The following NEK3 variants were observed in gnomAD, a reference collection of about 807,000 sequenced individuals.
NEK3 encodes the protein NIMA related kinase 3, also known as serine/threonine-protein kinase Nek3.
NEK3 carries 54 observed loss-of-function variants against 66.0 expected under a neutral mutation model. That is an observed-to-expected ratio of 0.82 (90% CI 0.66 to 1.03). NEK3 has a LOEUF of 1.03. Ranked by LOEUF, NEK3 falls within the 50% of genes least tolerant of loss-of-function variation. The probability of loss-of-function intolerance (pLI) is 0.00; values close to 1 mark genes in which losing one functional copy is unlikely to be tolerated. For synonymous variants in NEK3, 200 were observed against 206.2 expected (o/e 0.97, Z 0.26); for missense variants, 593 against 603.0 (o/e 0.98, Z 0.17).
At chr13:52,148,513 T>A in intron 7 of NEK3, 44 bp from the exon 8 acceptor site, 1 of 1,541,086 alleles carries the variant, frequency 6.5e-7, no homozygotes, top group Non-Finnish European at 9.0e-7. Context: ...AGGTTACGTA[T>A]TTTCTAGTAC....
intron 2 of NEK3, among the ~76,000 whole-genome samples, chr13:52,155,453 C>G (rs1038726943): frequency 2.0e-5 from 3 of 152,064 alleles, no homozygotes; most frequent in African/African-American, 7.2e-5. Context: ...GTTGCTCTGG[C>G]AAAGATTTCC....
At chr13:52,157,160 A>T (rs1956402541) in intron 1 of NEK3, 1 of 152,234 alleles carries the variant, frequency 6.6e-6, no homozygotes, top group Non-Finnish European at 1.5e-5. Context: ...CCAAGAAGGC[A>T]ATATAATCAT....
At chr13:52,155,049 T>C (rs1355155903) in intron 2 of NEK3, among the ~76,000 whole-genome samples, 5 of 151,898 alleles carry the variant, frequency 3.3e-5, no homozygotes, top group African/African-American at 1.2e-4. Context: ...ACTGGGAACT[T>C]GTTAAAAATG....
chr13:52,137,037 C>T (rs551120329), intron 11 of NEK3, 135 bp from the exon 12 acceptor site: 5 of 546,126 alleles, frequency 9.2e-6, no homozygotes, highest in Non-Finnish European at 1.6e-5. Flanking sequence ...CATAGAACCC[C>T]AAGGACATGT....
intron 2 of NEK3, 109 bp downstream of exon 2, chr13:52,155,966 C>T: frequency 1.6e-6 from 1 of 616,626 alleles, no homozygotes. Context: ...CCTCCACCTC[C>T]CAAAGTGCTG....
intron 9 of NEK3, among the ~76,000 whole-genome samples, 179 bp from the exon 10 acceptor site, chr13:52,144,166 C>T (rs969909709): frequency 6.6e-6 from 1 of 152,190 alleles, no homozygotes; most frequent in Non-Finnish European, 1.5e-5. Flanking sequence ...GTAATCCCAG[C>T]ACTTTGGGAA....
intron 5 of NEK3, among the ~76,000 whole-genome samples, chr13:52,151,635 C>T (rs1338193014): frequency 6.6e-6 from 1 of 152,174 alleles, no homozygotes; most frequent in Admixed American, 6.5e-5. Context: ...CAGACGCAAT[C>T]GACCCAGTGA....
chr13:52,146,435 T>C (rs1956296359), intron 8 of NEK3, among the ~76,000 whole-genome samples: 1 of 152,174 alleles, frequency 6.6e-6, no homozygotes, highest in Admixed American at 6.5e-5. Flanking sequence ...TGAGAACAAC[T>C]TTTGTCTTCG....
chr13:52,134,142 T>C (rs1371923644), intron 14 of NEK3, among the ~76,000 whole-genome samples: 1 of 152,194 alleles, frequency 6.6e-6, no homozygotes, highest in Non-Finnish European at 1.5e-5. Context: ...GAGCTCCTCC[T>C]ACCTCAGTCT....
rs1245408960 is a variant in NEK3 at position 52,136,173 on chromosome 13, T to G, written c.1117A>C (p.Thr373Pro). The G allele has an allele frequency of 1.4e-5, 22 of 1,613,614 alleles. No individual in the cohort carries two copies. Among genetic ancestry groups the G allele is most frequent in the Non-Finnish European group, 1.9e-5 (22 of 1,179,682 alleles). ...WEKNVPNTAL[T>P]ALENASILTS... ...AGTATGGATGCATTTTCCAAAGCTGTAAGAGCTGTATTGGGTACATTTTTC... is the reference window on the plus strand; with the variant it reads ...AGTATGGATGCATTTTCCAAAGCTGGAAGAGCTGTATTGGGTACATTTTTC... Residue 373 changes from threonine (T) to proline (P), a missense_variant, in exon 13 of 16, where the codon ACA (threonine) becomes CCA (proline). Coordinates refer to ENST00000610828, the MANE Select transcript of NEK3 (RefSeq NM_002498.3).
At chr13:52,150,528 T>A (rs937108387) in intron 7 of NEK3, among the ~76,000 whole-genome samples, 1 of 152,186 alleles carries the variant, frequency 6.6e-6, no homozygotes, top group Non-Finnish European at 1.5e-5. Context: ...GATTTCCATG[T>A]CCTTTCTTAC....
chr13:52,159,851 C>G (rs1487372359), upstream of NEK3: 2 of 152,246 alleles, frequency 1.3e-5, no homozygotes, highest in Non-Finnish European at 2.9e-5. Flanking sequence ...CTAGAACTTA[C>G]TAGCTATGTG....
intron 1 of NEK3, chr13:52,157,222 T>G (rs1956402911): frequency 6.6e-6 from 1 of 151,976 alleles, no homozygotes; most frequent in African/African-American, 2.4e-5. Context: ...AATGGACCAG[T>G]GGAGGAGGGG....
intron 4 of NEK3, 100 bp downstream of exon 4, chr13:52,153,795 G>T: frequency 1.3e-6 from 1 of 771,086 alleles, no homozygotes; most frequent in Non-Finnish European, 2.2e-6. Flanking sequence ...TACCTTCTCG[G>T]GTAATTACAG....
At chr13:52,158,367 T>C (rs1232422763) in intron 1 of NEK3, among the ~76,000 whole-genome samples, 1 of 152,206 alleles carries the variant, frequency 6.6e-6, no homozygotes, top group Non-Finnish European at 1.5e-5. Flanking sequence ...GTCATACACA[T>C]TGTCTTCGAA....
At chr13:52,143,517 T>C (rs1203255529) in intron 10 of NEK3, among the ~76,000 whole-genome samples, 1 of 152,168 alleles carries the variant, frequency 6.6e-6, no homozygotes. Flanking sequence ...AGCTTCTCTT[T>C]TTAAAAGTCT....
At chr13:52,137,031 G>C (rs531112540) in intron 11 of NEK3, 129 bp from the exon 12 acceptor site, 4 of 554,918 alleles carry the variant, frequency 7.2e-6, no homozygotes, top group Non-Finnish European at 1.2e-5. Flanking sequence ...AATAATCATA[G>C]AACCCCAAGG....
chr13:52,134,880 G>A (rs997960695), intron 14 of NEK3, among the ~76,000 whole-genome samples: 11 of 152,036 alleles, frequency 7.2e-5, no homozygotes, highest in South Asian at 4.2e-4. Flanking sequence ...GACCTCCCAC[G>A]TAAAGAACTC....
In NEK3 at chr13:52,135,722, G is replaced by A. The variant is rs1471371658; in HGVS notation, c.1309+7C>T. The A allele has an allele frequency of 6.2e-7, 1 of 1,603,984 alleles. No homozygotes were observed. The highest frequency in any genetic ancestry group is 8.5e-7 in the Non-Finnish European group (1 of 1,176,366). The stretch of plus-strand genomic sequence containing the variant: ...GGTTTCCAAGGTCACATACAGACAT[G>A]AATTACCTGGTCTATATATTGTGTA... On this transcript the variant is annotated splice_region_variant and intron_variant, in intron 14 of 15. Coordinates refer to ENST00000610828, the MANE Select transcript of NEK3 (RefSeq NM_002498.3).
Sources: allele counts gnomAD v4.1 joint callset (sites outside exome capture counted in the v4.1 genomes callset), GRCh38; gene constraint gnomAD v4.1.1; transcripts MANE v1.5; gene names NCBI Gene and HGNC (gene_info 2026-07-23, HGNC 2026-07-21).